Variants in GRAMD1C observed in about 807,000 individuals in gnomAD.
GRAMD1C encodes the protein protein Aster-C.
In GRAMD1C, 89 loss-of-function variants were observed where a neutral mutation model predicts 97.8. The ratio of observed to expected loss-of-function variants is 0.91; its 90% CI spans 0.77 to 1.09. The LOEUF is 1.09. Ranked by LOEUF, GRAMD1C falls within the 50% of genes least tolerant of loss-of-function variation. The pLI is 0.00. For synonymous variants in GRAMD1C, 256 were observed against 267.0 expected, an observed-to-expected ratio of 0.96 and a Z score of 0.40; for missense variants, 740 against 766.4, an observed-to-expected ratio of 0.97 and a Z score of 0.41.
At position 113,892,391 on chromosome 3, in the gene GRAMD1C, G is replaced by A. The variant is rs536841282; in HGVS notation, c.541-8640G>A. ...GGAGGCTGAGGCAGGAGAATCGCTT[G>A]AACCTGGGAGGTGGAGGTTGCAGTG... On this transcript the variant is annotated intron_variant, in intron 6 of 17. Transcript: ENST00000358160. Among the ~76,000 whole-genome samples, 114 of 152,248 alleles carry A rather than the reference G, an allele frequency of 7.5e-4. 1 individual carries two copies. The highest frequency in any genetic ancestry group is 2.5e-3 in the African/African-American group (102 of 41,544).
chr3:113,935,507 C>T (rs1937561684), intron 13 of GRAMD1C, among the ~76,000 whole-genome samples: 1 of 151,610 alleles, frequency 6.6e-6, no homozygotes, highest in African/African-American at 2.4e-5. Flanking sequence ...TATATACACA[C>T]ACACACACAC....
At chr3:113,916,489 G>C (rs1577202027) in intron 10 of GRAMD1C, among the ~76,000 whole-genome samples, 2 of 152,236 alleles carry the variant, frequency 1.3e-5, no homozygotes, top group Middle Eastern at 6.8e-3. Flanking sequence ...TTGAGCAAAA[G>C]AATCCAGATA....
At chr3:113,908,523 C>T (rs1936448161) in intron 8 of GRAMD1C, among the ~76,000 whole-genome samples, 1 of 151,936 alleles carries the variant, frequency 6.6e-6, no homozygotes, top group South Asian at 2.1e-4. Flanking sequence ...TTTCCATTTC[C>T]CTGTTAGGTC....
Position 113,838,949 on chromosome 3 carries a change from C to T in GRAMD1C, c.27+13C>T, listed in dbSNP as rs1401059080. The T allele has an allele frequency of 1.6e-6, 2 of 1,239,698 alleles. No homozygotes were observed. The highest frequency in any genetic ancestry group is 4.1e-5 in the Admixed American group (1 of 24,332). 76.8% of individuals were successfully genotyped at this position (1,239,698 alleles called of 1,614,324 possible). ...GACTGTCCGTCAGGTAAGCCGCGGGCCTCGCTGGGGCAGGTTCCCATCTGT... is the reference window on the plus strand; with the variant it reads ...GACTGTCCGTCAGGTAAGCCGCGGGTCTCGCTGGGGCAGGTTCCCATCTGT... On this transcript the variant is annotated intron_variant, in intron 1 of 17. Transcript: ENST00000358160.
At chr3:113,858,306 C>T (rs1402376877) in intron 2 of GRAMD1C, among the ~76,000 whole-genome samples, 3 of 151,774 alleles carry the variant, frequency 2.0e-5, no homozygotes, top group Non-Finnish European at 4.4e-5. Context: ...GATCTCAGCT[C>T]ACTGCAGCCT....
intron 6 of GRAMD1C, among the ~76,000 whole-genome samples, chr3:113,900,028 A>G (rs900402049): frequency 1.2e-4 from 18 of 152,278 alleles, no homozygotes; most frequent in African/African-American, 3.4e-4. Context: ...ACGGTGATTC[A>G]GTGGTCATGG....
rs747844539 is a variant in GRAMD1C, at chr3:113,933,626, G to A, written c.1325G>A (p.Arg442Gln). The A allele has an allele frequency of 9.5e-5, 152 of 1,607,448 alleles. No homozygotes were observed. In the East Asian group the frequency reaches 1.7e-3, roughly 17 times the overall value. ...FYTVNRYCII[R>Q]SSKQKCRLRV... ...ACCGTGAACAGATACTGTATCATCC[G>A]ATCTTCAAAACAGAAATGCAGGCTA... Residue 442 changes from arginine to glutamine, a missense_variant, in exon 12 of 18, where the codon CGA becomes CAA. Arg to Gln is a conservative substitution (Grantham distance 43). Transcript: ENST00000358160.
intron 3 of GRAMD1C, among the ~76,000 whole-genome samples, chr3:113,871,548 A>G (rs1577146500): frequency 6.6e-6 from 1 of 151,816 alleles, no homozygotes; most frequent in African/African-American, 2.4e-5. Context: ...AGGTCAGGAG[A>G]TCCTGGTTAA....
chr3:113,887,440 C>T (rs1257127275), intron 6 of GRAMD1C, among the ~76,000 whole-genome samples: 13 of 151,930 alleles, frequency 8.6e-5, no homozygotes, highest in African/African-American at 3.1e-4. Context: ...GTGGCTTACG[C>T]CTGTAATCCT....
At chr3:113,935,029 C>G (rs754846773) in intron 13 of GRAMD1C, among the ~76,000 whole-genome samples, 11 of 152,188 alleles carry the variant, frequency 7.2e-5, no homozygotes, top group Non-Finnish European at 1.5e-4. Context: ...GTGTGAGGCA[C>G]CACCGTGCCT....
At chr3:113,936,659 G>T (rs931622028) in intron 14 of GRAMD1C, 23 of 382,588 alleles carry the variant, frequency 6.0e-5, no homozygotes, top group African/African-American at 4.4e-4. Context: ...TATTTTATTT[G>T]GCCCATGTGT....
At chr3:113,875,339 A>G (rs1934982600) in intron 3 of GRAMD1C, 145 bp from the exon 4 acceptor site, 1 of 562,074 alleles carries the variant, frequency 1.8e-6, no homozygotes, top group Non-Finnish European at 3.2e-6. Context: ...AATATCTGAC[A>G]TATGGTGTCC....
chr3:113,853,375 C>T (rs1434959684), intron 2 of GRAMD1C, among the ~76,000 whole-genome samples: 1 of 152,012 alleles, frequency 6.6e-6, no homozygotes, highest in Non-Finnish European at 1.5e-5. Flanking sequence ...TAGAGAAGTC[C>T]GTTATGAATC....
chr3:113,875,062 A>C (rs552825075), intron 3 of GRAMD1C, among the ~76,000 whole-genome samples: 63 of 151,938 alleles, frequency 4.1e-4, no homozygotes, highest in Non-Finnish European at 8.4e-4. Flanking sequence ...GTTTCTTTTT[A>C]CCAAAAGGCC....
intron 9 of GRAMD1C, among the ~76,000 whole-genome samples, chr3:113,910,153 G>T (rs1936513316): frequency 1.3e-5 from 2 of 152,168 alleles, no homozygotes. Flanking sequence ...GAAGGCCGAG[G>T]CGGGTGGATC....
intron 6 of GRAMD1C, among the ~76,000 whole-genome samples, chr3:113,890,230 C>T: frequency 6.6e-6 from 1 of 152,182 alleles, no homozygotes; most frequent in East Asian, 1.9e-4. Context: ...AGCCCAGTCT[C>T]TCTGACCCAT....
intron 2 of GRAMD1C, among the ~76,000 whole-genome samples, 197 bp from the exon 3 acceptor site, chr3:113,869,310 A>G (rs1934702801): frequency 1.3e-5 from 2 of 152,118 alleles, no homozygotes; most frequent in South Asian, 2.1e-4. Flanking sequence ...GCTTTTGCAG[A>G]GGGGATTGCC....
intron 2 of GRAMD1C, among the ~76,000 whole-genome samples, chr3:113,869,268 T>C (rs1934701951): frequency 6.6e-6 from 1 of 152,178 alleles, no homozygotes; most frequent in African/African-American, 2.4e-5. Flanking sequence ...GAGATGATTA[T>C]TTTTGACAGT....
chr3:113,844,490 T>TATTTGTTTCC lies in GRAMD1C; in HGVS notation c.28-11_28-2dup. ...TCAATAAATAATTGACTTAGTTTGATATTTGTTTCCAGGTGATGAATGAAG... is the reference window on the plus strand; with the variant it reads ...TCAATAAATAATTGACTTAGTTTGATATTTGTTTCCATTTGTTTCCAGGTGATGAATGAAG... On this transcript the variant is annotated splice_polypyrimidine_tract_variant and intron_variant, in intron 1 of 17. Coordinates refer to ENST00000358160, the MANE Select transcript of GRAMD1C (RefSeq NM_017577.5). 1 of 1,573,476 alleles carries TATTTGTTTCC rather than the reference T, an allele frequency of 6.4e-7. No homozygotes were observed.
Sources: allele counts gnomAD v4.1 joint callset (sites outside exome capture counted in the v4.1 genomes callset), GRCh38; gene constraint gnomAD v4.1.1; transcripts MANE v1.5; gene names NCBI Gene and HGNC (gene_info 2026-07-23, HGNC 2026-07-21).